The following PATJ variants were observed in gnomAD, a reference collection of about 807,000 sequenced individuals.
PATJ encodes the protein PATJ crumbs cell polarity complex component.
PATJ carries 190 observed loss-of-function variants against 224.9 expected under a neutral mutation model. The observed-to-expected ratio is 0.84, with a 90% confidence interval of 0.75 to 0.95. PATJ has a LOEUF of 0.95. Among genes scored for constraint, PATJ ranks in the 40% least tolerant of loss-of-function variants. The pLI is 0.00. For missense variants in PATJ, 2,121 were observed against 2,270.3 expected, an observed-to-expected ratio of 0.93 and a Z score of 1.34; for synonymous variants, 769 against 820.3, an observed-to-expected ratio of 0.94 and a Z score of 1.07.
chr1:61,991,511 T>A, intron 28 of PATJ: 1 of 985,376 alleles, frequency 1.0e-6, no homozygotes. Context: ...TTTACAGTCA[T>A]CCATAATTTT....
At position 61,971,079 on chromosome 1, in the gene PATJ, T is replaced by G. The variant is rs1244995851; in HGVS notation, c.3671-19089T>G. On this transcript the variant is annotated intron_variant, in intron 27 of 43. Coordinates refer to ENST00000642238, the MANE Select transcript of PATJ (RefSeq NM_001350145.3). ...TTAAAGTTTTTTTCACAGGTATTCTTTATTTTGATCATCTTACAAATTCTG... is the reference window on the plus strand; with the variant it reads ...TTAAAGTTTTTTTCACAGGTATTCTGTATTTTGATCATCTTACAAATTCTG... 3.9e-5 allele frequency among the ~76,000 whole-genome samples: 6 copies of G among 152,180 alleles called. 1 individual carries two copies. The South Asian group carries it at 1.2e-3, about 32-fold the overall frequency.
At chr1:61,846,487 A>C (rs1661976897) in intron 17 of PATJ, among the ~76,000 whole-genome samples, 1 of 152,244 alleles carries the variant, frequency 6.6e-6, no homozygotes, top group Non-Finnish European at 1.5e-5. Flanking sequence ...TTATAAATTC[A>C]TATTCTACAT....
chr1:61,876,654 T>C (rs1340916024), intron 21 of PATJ, among the ~76,000 whole-genome samples: 1 of 152,114 alleles, frequency 6.6e-6, no homozygotes, highest in Non-Finnish European at 1.5e-5. Context: ...TCAAAATGTC[T>C]CCAGATGTGG....
At chr1:61,833,561 T>G (rs1659692118) in intron 16 of PATJ, 93 bp from the exon 17 acceptor site, 4 of 1,240,770 alleles carry the variant, frequency 3.2e-6, no homozygotes, top group Non-Finnish European at 4.4e-6. Context: ...GAATTCTCAG[T>G]TTGAGAAGAA....
At chr1:61,844,779 T>C (rs1017933169) in intron 17 of PATJ, among the ~76,000 whole-genome samples, 12 of 152,102 alleles carry the variant, frequency 7.9e-5, no homozygotes, top group Non-Finnish European at 1.8e-4. Context: ...GCTGTTCTTA[T>C]GATAATGAGT....
intron 27 of PATJ, among the ~76,000 whole-genome samples, chr1:61,969,621 C>T (rs1425517927): frequency 2.0e-5 from 3 of 152,108 alleles, no homozygotes; most frequent in Admixed American, 1.3e-4. Flanking sequence ...ATATTATATA[C>T]CCTTATCAGA....
chr1:62,054,572 A>G (rs1160215900), intron 31 of PATJ, among the ~76,000 whole-genome samples: 1 of 152,166 alleles, frequency 6.6e-6, no homozygotes, highest in Non-Finnish European at 1.5e-5. Context: ...AGATCAGTTG[A>G]TGGTTTGTGA....
intron 41 of PATJ, among the ~76,000 whole-genome samples, chr1:62,133,745 CTTTT>C (rs113938436): frequency 1.7e-5 from 2 of 121,188 alleles, no homozygotes; most frequent in Non-Finnish European, 1.7e-5. Flanking sequence ...CAAGAATTTG[CTTTT>C]TTTTTTTTTT....
rs189033888 is a variant in PATJ, at chr1:62,127,719, A to G, written c.5044-253A>G. 8.5e-5 allele frequency among the ~76,000 whole-genome samples: 13 copies of G among 152,224 alleles called. No individual in the cohort carries two copies. In the East Asian group the frequency reaches 2.5e-3, roughly 29 times the overall value. On this transcript the variant is annotated intron_variant, in intron 39 of 43. Transcript: ENST00000642238. ...CTACTCAGGAGGCTGAGGCAGGAAA[A>G]TCGCTTGAACCTGGGAGGCGGAAGT...
chr1:61,796,194 G>C (rs1309357882), intron 10 of PATJ, among the ~76,000 whole-genome samples: 1 of 152,118 alleles, frequency 6.6e-6, no homozygotes, highest in Non-Finnish European at 1.5e-5. Context: ...ATGACTCTTG[G>C]CTTTAAAAGC....
chr1:62,087,481 G>A (rs1042589647), intron 33 of PATJ, among the ~76,000 whole-genome samples: 2 of 151,942 alleles, frequency 1.3e-5, no homozygotes, highest in African/African-American at 4.8e-5. Context: ...GGCAAACAGG[G>A]ATAGAAGTTA....
At chr1:61,902,503 C>T (rs1044031801) in intron 24 of PATJ, among the ~76,000 whole-genome samples, 3 of 152,012 alleles carry the variant, frequency 2.0e-5, no homozygotes, top group East Asian at 1.9e-4. Context: ...ACTTATTTTC[C>T]GTTTTCAGAT....
intron 7 of PATJ, among the ~76,000 whole-genome samples, chr1:61,777,962 C>G (rs990852155): frequency 3.3e-5 from 5 of 151,978 alleles, no homozygotes; most frequent in African/African-American, 1.2e-4. Context: ...TGACTGCAGC[C>G]TCTGCCTCTG....
At chr1:62,131,653 A>C (rs1666276089) in intron 41 of PATJ, among the ~76,000 whole-genome samples, 1 of 151,976 alleles carries the variant, frequency 6.6e-6, no homozygotes, top group African/African-American at 2.4e-5. Context: ...CGTCTCAAAA[A>C]AAAAAGGCAC....
At chr1:61,892,099 A>G (rs10889266) in intron 22 of PATJ, among the ~76,000 whole-genome samples, 55,274 of 152,050 alleles carry the variant, frequency 0.36, 10,629 homozygotes, top group African/African-American at 0.48. Flanking sequence ...CTGCAACTTC[A>G]AAATCATGGC....
chr1:61,744,907 C>T (rs1344909687), intron 1 of PATJ, among the ~76,000 whole-genome samples: 21 of 152,078 alleles, frequency 1.4e-4, no homozygotes, highest in Admixed American at 1.4e-3. Flanking sequence ...GAGCAGCTCA[C>T]GGAACTCAAG....
At chr1:61,950,921 C>T (rs879262300) in intron 27 of PATJ, among the ~76,000 whole-genome samples, 13 of 152,210 alleles carry the variant, frequency 8.5e-5, no homozygotes, top group Admixed American at 2.0e-4. Context: ...CCCAGGCGGG[C>T]GGATCACCTG....
chr1:61,907,828 C>A (rs1178651631), intron 24 of PATJ, among the ~76,000 whole-genome samples: 1 of 152,196 alleles, frequency 6.6e-6, no homozygotes, highest in Non-Finnish European at 1.5e-5. Context: ...TAATAAGGAA[C>A]TGTTTACACT....
intron 29 of PATJ, among the ~76,000 whole-genome samples, chr1:62,019,200 G>T (rs965871928): frequency 7.1e-6 from 1 of 141,502 alleles, no homozygotes; most frequent in Non-Finnish European, 1.5e-5. Flanking sequence ...AGCTGAGATC[G>T]CACCATTGCA....
Sources: allele counts gnomAD v4.1 joint callset (sites outside exome capture counted in the v4.1 genomes callset), GRCh38; gene constraint gnomAD v4.1.1; transcripts MANE v1.5; gene names NCBI Gene and HGNC (gene_info 2026-07-23, HGNC 2026-07-21).